Variants in PTOV1 observed in about 807,000 individuals in gnomAD.
The protein encoded by PTOV1 is prostate tumor-overexpressed gene 1 protein.
In PTOV1, 20 loss-of-function variants were observed where a neutral mutation model predicts 58.0. The ratio of observed to expected loss-of-function variants is 0.34; its 90% CI spans 0.24 to 0.50. PTOV1 has a LOEUF of 0.50. Ranked by LOEUF, PTOV1 falls within the 20% of genes least tolerant of loss-of-function variation. The pLI, the probability that PTOV1 is intolerant of heterozygous loss-of-function variation, is 0.98. For synonymous variants in PTOV1, 335 were observed against 234.2 expected (o/e 1.43, Z -3.93); for missense variants, 593 against 565.4 (o/e 1.05, Z -0.50).
At position 49,857,596 on chromosome 19, in the gene PTOV1, G is replaced by A; in HGVS notation, c.715-97G>A. ...AGAATGGACCCAGCTGGGGCTAACA[G>A]GCCAAGGCTCGGAGGGAGGGATGGC... On this transcript the variant is annotated intron_variant, in intron 6 of 11. Coordinates refer to ENST00000391842, the Ensembl canonical transcript of PTOV1. 1.9e-5 allele frequency: 23 copies of A among 1,182,140 alleles called. No homozygotes were observed. In the South Asian group the frequency reaches 3.1e-4, roughly 16 times the overall value. The allele number at this position is 1,182,140 out of a possible 1,614,324, so 73.2% of individuals were successfully genotyped here. A position where few individuals can be genotyped will look rare whatever the true frequency, so the allele number is the denominator to read the frequency against.
At chr19:49,857,200 C>T (rs1307022230) in intron 6 of PTOV1, 70 bp downstream of exon 6, 2 of 1,572,952 alleles carry the variant, frequency 1.3e-6, no homozygotes, top group African/African-American at 1.4e-5. Flanking sequence ...GTTGGGCAGC[C>T]AGACTTGGTG....
At chr19:49,853,751 C>T (rs1400590184) in intron 1 of PTOV1, among the ~76,000 whole-genome samples, 1 of 152,126 alleles carries the variant, frequency 6.6e-6, no homozygotes, top group African/African-American at 2.4e-5. Flanking sequence ...GGGGTGGTGT[C>T]CCAGCTGTCT....
intron 1 of PTOV1, among the ~76,000 whole-genome samples, chr19:49,854,052 G>A (rs2074360954): frequency 2.6e-5 from 4 of 152,334 alleles, no homozygotes; most frequent in Middle Eastern, 6.8e-3. Flanking sequence ...GGGGCACGGG[G>A]AAAGCCCCCT....
rs374987757 is a variant in PTOV1, at chr19:49,858,673, G to A, written c.1041+20G>A. ...GGCTTCGTGAGTGGTGCCAGCAGAC[G>A]CAGGGGAGGGGCCGGCCAGGGCAGA... On this transcript the variant is annotated intron_variant, in intron 10 of 11. Transcript: ENST00000391842. 2.0e-5 allele frequency: 32 copies of A among 1,568,118 alleles called. No homozygotes were observed. Among genetic ancestry groups the A allele is most frequent in the African/African-American group, 1.1e-4 (8 of 73,958 alleles).
rs780141901 is a variant in PTOV1, at chr19:49,859,995, G to T, written c.1051G>T (p.Val351Leu). The change falls in exon 11 of 12, where the codon GTG (valine) becomes TTG (leucine). Residue 351 changes from valine (V) to leucine (L), a missense_variant. Transcript: ENST00000391842. ...GCCCTGTGCCTGCCAGGCCGGCTGC[G>T]TGCACTTTTCCTACAAAGCATCGTG... The T allele has an allele frequency of 6.2e-6, 10 of 1,614,010 alleles. No individual in the cohort carries two copies. The African/African-American group carries it at 1.1e-4, about 17-fold the overall frequency.
At position 49,857,408 on chromosome 19, in the gene PTOV1, A is replaced by G. The variant is rs113933460; in HGVS notation, c.714+278A>G. 1.4e-3 allele frequency: 874 copies of G among 606,602 alleles called. 8 individuals carry two copies. The highest frequency in any genetic ancestry group is 0.014 in the African/African-American group (747 of 54,006). The allele number at this position is 606,602 out of a possible 1,614,324, so 37.6% of individuals were successfully genotyped here. ...GGGGTTGGGATCGTCCTGCGGCTGG[A>G]AGGCCCTGCCTGGTAACCACGTGTC... On this transcript the variant is annotated intron_variant, in intron 6 of 11. Transcript: ENST00000391842.
chr19:49,858,538 C>T lies in PTOV1; in HGVS notation c.937-11C>T, dbSNP rs755413747. 6.3e-7 allele frequency: 1 copy of T among 1,583,190 alleles called. No individual in the cohort carries two copies. The highest frequency in any genetic ancestry group is 8.6e-7 in the Non-Finnish European group (1 of 1,163,324). On this transcript the variant is annotated splice_polypyrimidine_tract_variant and intron_variant, in intron 9 of 11. Coordinates refer to ENST00000391842, the Ensembl canonical transcript of PTOV1. ...GAAGCCAGAGCTGGGGGTCCCCTCG[C>T]TTCCCCGCAGACCACCCTAGTGCCG...
In PTOV1 at chr19:49,858,604, A is replaced by G. The variant is rs979852399; in HGVS notation, c.992A>G (p.Lys331Arg). The G allele has an allele frequency of 3.1e-6, 5 of 1,606,626 alleles. No homozygotes were observed. The highest frequency in any genetic ancestry group is 1.3e-5 in the African/African-American group (1 of 74,788). ...CGCCTGGTCCAGTTCCACTTCACCA[A>G]GGACCTGGAGACACTGAAGAGCCTG... is the stretch of plus-strand genomic sequence containing the variant. The change falls in exon 10 of 12, where the codon AAG (lysine) becomes AGG (arginine). Residue 331 changes from lysine (K) to arginine (R), a missense_variant. Lys to Arg is a conservative substitution (Grantham distance 26). Coordinates refer to ENST00000391842, the Ensembl canonical transcript of PTOV1.
chr19:49,856,127 A>T (rs3786662), intron 5 of PTOV1: 18,343 of 152,228 alleles, frequency 0.12, 1,408 homozygotes, highest in South Asian at 0.2. Context: ...TGTGCCTGGC[A>T]TGAGGTCTCT....
chr19:49,850,715 G>A, upstream of PTOV1: 1 of 795,356 alleles, frequency 1.3e-6, no homozygotes, highest in South Asian at 2.1e-5. Flanking sequence ...ACCTCGCCAC[G>A]TCACCGACTG....
intron 5 of PTOV1, chr19:49,856,056 G>A (rs988092212): frequency 6.6e-6 from 1 of 152,200 alleles, no homozygotes; most frequent in African/African-American, 2.4e-5. Flanking sequence ...CTGCCGTTGA[G>A]CGCCCTGGGT....
intron 6 of PTOV1, 171 bp from the exon 7 acceptor site, chr19:49,857,522 T>G: frequency 1.5e-6 from 1 of 673,006 alleles, no homozygotes; most frequent in South Asian, 1.8e-5. Context: ...TGGGGAGCCA[T>G]GGGGGGCTGT....
chr19:49,851,371 G>A, exon 1 of PTOV1: 1 of 1,134,904 alleles, frequency 8.8e-7, no homozygotes, highest in Non-Finnish European at 1.1e-6. Context: ...CGGCGCCGGG[G>A]GCCCCCTCGG....
intron 1 of PTOV1, chr19:49,852,927 A>G (rs12610706): frequency 0.11 from 17,347 of 152,268 alleles, 1,086 homozygotes; most frequent in East Asian, 0.15. Context: ...GATGTCCGGT[A>G]TGGTGCCTGA....
At chr19:49,854,384 C>G in intron 1 of PTOV1, 22 bp from the exon 2 acceptor site, 2 of 1,597,608 alleles carry the variant, frequency 1.3e-6, no homozygotes, top group Non-Finnish European at 8.5e-7. Context: ...AGTTTTCCCA[C>G]CTATCCCCCA....
intron 1 of PTOV1, chr19:49,851,723 G>A (rs2074257239): frequency 4.4e-6 from 5 of 1,126,668 alleles, no homozygotes; most frequent in African/African-American, 1.6e-5. Context: ...TGGGGGACGG[G>A]GGCGGGGCGG....
At chr19:49,858,467 G>C in intron 9 of PTOV1, 82 bp from the exon 10 acceptor site, 1 of 1,156,788 alleles carries the variant, frequency 8.6e-7, no homozygotes, top group Non-Finnish European at 1.2e-6. Flanking sequence ...TTTGGTCCTG[G>C]GCCCGGGGGA....
At chr19:49,851,283 C>G in exon 1 of PTOV1, 5 of 1,075,854 alleles carry the variant, frequency 4.6e-6, no homozygotes, top group Non-Finnish European at 5.6e-6. Context: ...CCGCAGCCCC[C>G]CTTGTGGCCC....
intron 1 of PTOV1, chr19:49,852,864 C>T (rs990133544): frequency 3.3e-5 from 5 of 152,174 alleles, no homozygotes; most frequent in Admixed American, 6.5e-5. Context: ...GTAAGTGTAC[C>T]CTCATCTCGA....
Sources: gnomAD v4.1 joint callset for allele counts (sites outside exome capture counted in the v4.1 genomes callset) on GRCh38, gnomAD v4.1.1 for gene constraint, MANE v1.5 for transcripts, NCBI Gene and HGNC (gene_info 2026-07-23, HGNC 2026-07-21) for gene names.